ADGRL1: variants seen among roughly 807,000 people sequenced by gnomAD.
The protein encoded by ADGRL1 is CIRL-1.
Under a neutral mutation model 148.9 loss-of-function variants are expected in ADGRL1, and 31 were observed. The observed-to-expected ratio is 0.21, with a 90% CI of 0.16 to 0.28. The LOEUF is 0.28. Among genes scored for constraint, ADGRL1 ranks in the 10% least tolerant of loss-of-function variants. The pLI is 1.00. For missense variants in ADGRL1, 1,521 were observed against 2,058.8 expected (o/e 0.74, Z 5.05); for synonymous variants, 937 against 900.3 (o/e 1.04, Z -0.73).
At chr19:14,205,155 C>T (rs1568249427) in intron 1 of ADGRL1, among the ~76,000 whole-genome samples, 1 of 152,008 alleles carries the variant, frequency 6.6e-6, no homozygotes. Flanking sequence ...CAGCATCCCC[C>T]CACCCCACCA....
Position 14,159,295 on chromosome 19 carries a change from C to T in ADGRL1, c.2024-80G>A, listed in dbSNP as rs1969095613. 1.3e-6 allele frequency: 2 copies of T among 1,582,138 alleles called. No individual in the cohort carries two copies. Among genetic ancestry groups the T allele is most frequent in the Middle Eastern group, 1.7e-4 (1 of 5,940 alleles). On this transcript the variant is annotated intron_variant, in intron 10 of 22. Transcript: ENST00000361434. This position sits in a 1 kb window ranked among gnomAD's most constrained non-coding sequence, Gnocchi z 6.0. ...GGGGCTCAGGCTGCAGAACGAGACT[C>T]TGGCAAGATGCCCAAGGGTCGGATA...
At chr19:14,177,469 G>A (rs1970901433) in intron 3 of ADGRL1, 62 bp downstream of exon 3, 2 of 1,440,344 alleles carry the variant, frequency 1.4e-6, no homozygotes, top group Admixed American at 3.4e-5. Context: ...GGGTGTGCTG[G>A]CAGGTGTGCA....
chr19:14,182,774 G>A (rs953737227), intron 2 of ADGRL1, among the ~76,000 whole-genome samples: 3 of 152,162 alleles, frequency 2.0e-5, no homozygotes, highest in Non-Finnish European at 4.4e-5. Context: ...GAGGAGTGAG[G>A]TTGCTGGCCA....
intron 3 of ADGRL1, among the ~76,000 whole-genome samples, chr19:14,175,389 C>A (rs546057823): frequency 6.6e-6 from 1 of 151,868 alleles, no homozygotes; most frequent in Admixed American, 6.6e-5. Flanking sequence ...ACCCACCCAC[C>A]CCCACACACG....
chr19:14,150,468 G>C lies in ADGRL1; in HGVS notation c.*405C>G, dbSNP rs993911788. 1 of 183,330 alleles carries C rather than the reference G, an allele frequency of 5.5e-6. No individual in the cohort carries two copies. The highest frequency in any genetic ancestry group is 2.4e-5 in the African/African-American group (1 of 42,286). The allele number at this position is 183,330 out of a possible 1,614,324, so 11.4% of individuals were successfully genotyped here. On this transcript the variant is annotated 3_prime_UTR_variant, in exon 23 of 23. Transcript: ENST00000361434. ...AGCAGCTAACAGGTTCCATCCAGTG[G>C]GGGCCTTTGGCAACCTCAGAAGCTG... is the stretch of plus-strand genomic sequence containing the variant.
intron 4 of ADGRL1, among the ~76,000 whole-genome samples, chr19:14,164,193 T>C (rs997082127): frequency 1.3e-5 from 2 of 151,788 alleles, no homozygotes; most frequent in Admixed American, 6.6e-5. Context: ...TGGCCCCTCC[T>C]GGAGGGCGCC....
intron 2 of ADGRL1, among the ~76,000 whole-genome samples, chr19:14,181,707 C>A (rs1308361993): frequency 6.6e-6 from 1 of 152,130 alleles, no homozygotes; most frequent in African/African-American, 2.4e-5. Flanking sequence ...GCGACAAGAG[C>A]AAAACTCCAT....
chr19:14,151,497 C>G lies in ADGRL1; in HGVS notation c.3786G>C (p.Glu1262Asp). The G allele has an allele frequency of 1.2e-6, 2 of 1,611,276 alleles. No individual in the cohort carries two copies. Among genetic ancestry groups the G allele is most frequent in the South Asian group, 2.2e-5 (2 of 90,732 alleles). ...GDFPPGDGGP[E>D]PPRGRNLADA... Reference sequence around the variant, plus strand: ...CGGCTAGGTTCCGGCCTCGGGGCGGCTCAGGGCCCCCATCCCCGGGAGGGA... The same window carrying G: ...CGGCTAGGTTCCGGCCTCGGGGCGGGTCAGGGCCCCCATCCCCGGGAGGGA... The change falls in exon 23 of 23, where the codon GAG becomes GAC. Residue 1262 changes from glutamate (E) to aspartate (D), a missense_variant. Physicochemically the swap from Glu to Asp is conservative, Grantham distance 45. Transcript: ENST00000361434.
At position 14,151,216 on chromosome 19, in the gene ADGRL1, G is replaced by A. The variant is rs753878353; in HGVS notation, c.4067C>T (p.Ser1356Leu). 7.4e-6 allele frequency: 12 copies of A among 1,611,700 alleles called. No homozygotes were observed. Among genetic ancestry groups the A allele is most frequent in the Admixed American group, 3.3e-5 (2 of 59,958 alleles). ...GCCGTCCTCGGCCGTGCAGCTCTCCGACTCGTCCAGATCGCTCTGGTACAG... is the reference window on the plus strand; with the variant it reads ...GCCGTCCTCGGCCGTGCAGCTCTCCAACTCGTCCAGATCGCTCTGGTACAG... The part of the protein sequence containing the change: ...SVLYQSDLDE[S>L]ESCTAEDGAT... The change falls in exon 23 of 23, where the codon TCG becomes TTG. Residue 1356 changes from serine (S) to leucine (L), a missense_variant. By Grantham distance (145) the Ser-to-Leu change is moderately radical. Transcript: ENST00000361434.
rs769622521 is a variant in ADGRL1, at chr19:14,151,531, C to A, written c.3752G>T (p.Ser1251Ile). ...GNFNNSYSLR[S>I]GDFPPGDGGP... ...CCCATCCCCGGGAGGGAAATCCCCA[C>A]TTCGCAAGGAGTAACTGTTATTGAA... is the stretch of plus-strand genomic sequence containing the variant. Residue 1251 changes from serine (S) to isoleucine (I), a missense_variant, in exon 23 of 23, where the codon AGT becomes ATT. By Grantham distance (142) the Ser-to-Ile change is moderately radical. Transcript: ENST00000361434. 1.9e-6 allele frequency: 3 copies of A among 1,611,190 alleles called. No individual in the cohort carries two copies. Among genetic ancestry groups the A allele is most frequent in the Non-Finnish European group, 2.5e-6 (3 of 1,178,984 alleles).
At position 14,161,288 on chromosome 19, in the gene ADGRL1, C is replaced by T. The variant is rs760930666; in HGVS notation, c.1510+24G>A. The T allele has an allele frequency of 2.0e-6, 3 of 1,531,288 alleles. No homozygotes were observed. The highest frequency in any genetic ancestry group is 2.6e-6 in the Non-Finnish European group (3 of 1,147,652). The allele number at this position is 1,531,288 out of a possible 1,614,324, so 94.9% of individuals were successfully genotyped here. A position where few individuals can be genotyped will look rare whatever the true frequency, so the allele number is the denominator to read the frequency against. Reference sequence around the variant, plus strand: ...CTGGGGGCATGGCCCCCATCCCTCCCCTGGCTGCAGCCTCTGTACTCACCT... The same window carrying T: ...CTGGGGGCATGGCCCCCATCCCTCCTCTGGCTGCAGCCTCTGTACTCACCT... On this transcript the variant is annotated intron_variant, in intron 6 of 22. Coordinates refer to ENST00000361434, the MANE Select transcript of ADGRL1 (RefSeq NM_014921.5). The surrounding 1 kb of genome is among the most constrained non-coding windows in gnomAD (Gnocchi z 4.4).
At position 14,163,465 on chromosome 19, in the gene ADGRL1, G is replaced by GGAGGGAGAGA. The variant is rs1472401156; in HGVS notation, c.395-60_395-59insTCTCTCCCTC. 3.4e-5 allele frequency: 24 copies of GGAGGGAGAGA among 702,284 alleles called. No individual in the cohort carries two copies. The Admixed American group carries it at 5.7e-4, about 17-fold the overall frequency. 43.5% of individuals were successfully genotyped at this position (702,284 alleles called of 1,614,324 possible). On this transcript the variant is annotated intron_variant, in intron 4 of 22. Transcript: ENST00000361434. The stretch of plus-strand genomic sequence containing the variant: ...AGAGAAGGGGCAGAGGCGAGAGGGA[G>GGAGGGAGAGA]GAGAGAGAGAGAGAGAGAGAGAGAG...
chr19:14,157,587 T>C lies in ADGRL1; in HGVS notation c.2536-127A>G, dbSNP rs1008699843. 1.9e-5 allele frequency: 18 copies of C among 934,370 alleles called. No individual in the cohort carries two copies. The highest frequency in any genetic ancestry group is 2.8e-5 in the Non-Finnish European group (17 of 610,332). The allele number at this position is 934,370 out of a possible 1,614,324, so 57.9% of individuals were successfully genotyped here. A position where few individuals can be genotyped will look rare whatever the true frequency, so the allele number is the denominator to read the frequency against. ...GTGAGGACCTCTGGTGCCGCCAACCTGGCAGCCCTCACCCCTCTGCACGCA... is the reference window on the plus strand; with the variant it reads ...GTGAGGACCTCTGGTGCCGCCAACCCGGCAGCCCTCACCCCTCTGCACGCA... On this transcript the variant is annotated intron_variant, in intron 13 of 22. Coordinates refer to ENST00000361434, the MANE Select transcript of ADGRL1 (RefSeq NM_014921.5). This position sits in a 1 kb window ranked among gnomAD's most constrained non-coding sequence, Gnocchi z 7.5.
intron 1 of ADGRL1, among the ~76,000 whole-genome samples, chr19:14,201,599 T>C (rs949617135): frequency 2.0e-5 from 3 of 152,032 alleles, no homozygotes; most frequent in African/African-American, 7.2e-5. Flanking sequence ...AAAAAAATTT[T>C]AGAAACGAGT....
rs746463329 is a variant in ADGRL1, at chr19:14,158,466, C to T, written c.2236G>A (p.Ala746Thr). ...GCGCCCCCAGGGCCACCCGGGCCTGCTTCGCCGGCCAGCTTCACTGTGGCA... is the reference window on the plus strand; with the variant it reads ...GCGCCCCCAGGGCCACCCGGGCCTGTTTCGCCGGCCAGCTTCACTGTGGCA... Reference protein sequence around the residue: ...ENATVKLAGEAGPGGPGGASL... With the variant: ...ENATVKLAGETGPGGPGGASL... The change falls in exon 12 of 23, where the codon GCA (alanine) becomes ACA (threonine). Residue 746 changes from alanine (A) to threonine (T), a missense_variant. Physicochemically the swap from Ala to Thr is moderately conservative, Grantham distance 58. Around this residue, in one of 8 missense-constraint regions of ADGRL1, gnomAD observed 265 missense variants for 431.9 expected, o/e 0.61. Transcript: ENST00000361434. 6 of 1,613,854 alleles carry T rather than the reference C, an allele frequency of 3.7e-6. No homozygotes were observed. Among genetic ancestry groups the T allele is most frequent in the Non-Finnish European group, 5.1e-6 (6 of 1,180,034 alleles).
At chr19:14,158,089 T>G (rs1288808073) in intron 12 of ADGRL1, 37 bp from the exon 13 acceptor site, 2 of 1,608,088 alleles carry the variant, frequency 1.2e-6, no homozygotes, top group Non-Finnish European at 1.7e-6. Context: ...ATAACTAGAG[T>G]CAGAACCGGG....
chr19:14,156,896 G>A lies in ADGRL1; in HGVS notation c.2966+29C>T, dbSNP rs199677874. ...CCGCCCAGCAGGGAACCAGGTGGGA[G>A]GGTGCAGGGCTGGGAGGTGGAAACT... On this transcript the variant is annotated intron_variant, in intron 15 of 22. Coordinates refer to ENST00000361434, the MANE Select transcript of ADGRL1 (RefSeq NM_014921.5). 5.0e-6 allele frequency: 8 copies of A among 1,602,822 alleles called. No homozygotes were observed. In the African/African-American group the frequency reaches 6.7e-5, roughly 13 times the overall value.
At chr19:14,188,002 G>A (rs1262524452) in intron 1 of ADGRL1, among the ~76,000 whole-genome samples, 2 of 152,018 alleles carry the variant, frequency 1.3e-5, no homozygotes, top group Admixed American at 1.3e-4. Flanking sequence ...GGCTAAGGTG[G>A]GTGGATCACT....
chr19:14,177,473 G>C, intron 3 of ADGRL1, 58 bp downstream of exon 3: 1 of 1,472,428 alleles, frequency 6.8e-7, no homozygotes. Context: ...GTGCTGGCAG[G>C]TGTGCAGTGC....
Sources: allele counts gnomAD v4.1 joint callset (sites outside exome capture counted in the v4.1 genomes callset), GRCh38; gene constraint gnomAD v4.1.1; regional missense constraint gnomAD v4.1.1; non-coding constraint Gnocchi (gnomAD v3.1); transcripts MANE v1.5; gene names NCBI Gene and HGNC (gene_info 2026-07-23, HGNC 2026-07-21).